Variants in FCAR observed in about 807,000 individuals in gnomAD.
FCAR encodes the protein immunoglobulin alpha Fc receptor.
Under a neutral mutation model 27.1 loss-of-function variants are expected in FCAR, and 21 were observed. The observed-to-expected ratio is 0.77, with a 90% CI of 0.55 to 1.11. FCAR has a LOEUF of 1.11. FCAR is among the 50% of genes most tolerant of loss of function. The pLI is 0.00. For synonymous variants in FCAR, 134 were observed against 135.8 expected, an observed-to-expected ratio of 0.99 and a Z score of 0.09; for missense variants, 404 against 358.4, an observed-to-expected ratio of 1.13 and a Z score of -1.03.
chr19:54,878,795 T>G (rs1439618992), intron 2 of FCAR, among the ~76,000 whole-genome samples: 2 of 151,198 alleles, frequency 1.3e-5, no homozygotes, highest in Non-Finnish European at 2.9e-5. Flanking sequence ...TAGATTTTTC[T>G]CCATTTCTTT....
intron 2 of FCAR, among the ~76,000 whole-genome samples, chr19:54,876,387 G>A (rs1047630050): frequency 1.7e-4 from 26 of 152,114 alleles, no homozygotes; most frequent in African/African-American, 2.4e-4. Flanking sequence ...AGTGAGAGAC[G>A]GCATCCATGT....
intron 2 of FCAR, among the ~76,000 whole-genome samples, chr19:54,878,874 C>CTTT (rs57952503): frequency 1.4e-4 from 11 of 76,094 alleles, no homozygotes; most frequent in African/African-American, 2.4e-4. Flanking sequence ...TTGAGTCTTG[C>CTTT]TTTTTTTTTT....
rs59590774 is a variant in FCAR at position 54,881,880 on chromosome 19, C to CAAAT, written c.71-3306_71-3303dup. ...TGGGCGACAGAGCGAGACTCCGTCT[C>CAAAT]AAATAAATAAATAAATAAATAAATA... On this transcript the variant is annotated intron_variant, in intron 2 of 4. Transcript: ENST00000355524. 3.9e-3 allele frequency among the ~76,000 whole-genome samples: 510 copies of CAAAT among 129,514 alleles called. 3 individuals are homozygous for CAAAT. Among genetic ancestry groups the CAAAT allele is most frequent in the Middle Eastern group, 7.5e-3 (2 of 266 alleles). The allele number at this position is 129,514 out of a possible 152,430, so 85.0% of individuals were successfully genotyped here. A position where few individuals can be genotyped will look rare whatever the true frequency, so the allele number is the denominator to read the frequency against.
intron 3 of FCAR, among the ~76,000 whole-genome samples, chr19:54,887,358 C>T (rs778015848): frequency 9.2e-5 from 14 of 151,856 alleles, no homozygotes; most frequent in Admixed American, 3.3e-4. Flanking sequence ...CTGTGGTTCA[C>T]GCCTGTAATC....
chr19:54,886,090 T>C (rs1014822675), intron 3 of FCAR, among the ~76,000 whole-genome samples: 1 of 151,680 alleles, frequency 6.6e-6, no homozygotes, highest in African/African-American at 2.4e-5. Context: ...CTACTAAAAA[T>C]GGAAAAAATT....
chr19:54,884,271 C>T (rs1049489307), intron 2 of FCAR, among the ~76,000 whole-genome samples: 4 of 152,354 alleles, frequency 2.6e-5, no homozygotes, highest in Admixed American at 1.3e-4. Flanking sequence ...GCTGTGGTAA[C>T]GGCACCCGAC....
chr19:54,875,994 A>G (rs1419610924), intron 2 of FCAR, among the ~76,000 whole-genome samples: 1 of 152,156 alleles, frequency 6.6e-6, no homozygotes, highest in Admixed American at 6.5e-5. Flanking sequence ...TGTTTGTGTC[A>G]TCTATGATTT....
intron 2 of FCAR, among the ~76,000 whole-genome samples, chr19:54,879,467 T>A (rs1191921789): frequency 1.3e-5 from 2 of 152,166 alleles, no homozygotes; most frequent in Non-Finnish European, 2.9e-5. Context: ...AGCATTTGCT[T>A]GTCTGTAAAG....
intron 3 of FCAR, 103 bp from the exon 4 acceptor site, chr19:54,887,904 C>A: frequency 1.1e-6 from 1 of 943,858 alleles, no homozygotes; most frequent in Non-Finnish European, 1.5e-6. Context: ...GCAATAAGAG[C>A]GAAACTCCAT....
At chr19:54,881,303 G>A (rs1410838622) in intron 2 of FCAR, among the ~76,000 whole-genome samples, 1 of 152,162 alleles carries the variant, frequency 6.6e-6, no homozygotes, top group Non-Finnish European at 1.5e-5. Flanking sequence ...GTTTGCCGGA[G>A]GTGTGGTTGA....
At chr19:54,882,674 G>A (rs887162050) in intron 2 of FCAR, among the ~76,000 whole-genome samples, 4 of 151,606 alleles carry the variant, frequency 2.6e-5, no homozygotes, top group East Asian at 1.9e-4. Flanking sequence ...CTTGACCTCC[G>A]GTGATCTGCC....
At chr19:54,874,385 T>C in intron 1 of FCAR, 62 bp downstream of exon 1, 2 of 1,536,720 alleles carry the variant, frequency 1.3e-6, no homozygotes, top group Non-Finnish European at 1.8e-6. Context: ...ATAATCAGGG[T>C]GTCTCTTAAC....
rs1232608830 is a variant in FCAR, at chr19:54,874,251, T to C, written c.-39T>C. Reference sequence around the variant, plus strand: ...ATATCTGTCATCCTGCTAATGTGCATTGAAAGGAGAGCAACGGGGCTGAGG... The same window carrying C: ...ATATCTGTCATCCTGCTAATGTGCACTGAAAGGAGAGCAACGGGGCTGAGG... On this transcript the variant is annotated 5_prime_UTR_variant, in exon 1 of 5. Transcript: ENST00000355524. 3 of 1,612,788 alleles carry C rather than the reference T, an allele frequency of 1.9e-6. No individual in the cohort carries two copies. Among genetic ancestry groups the C allele is most frequent in the East Asian group, 2.2e-5 (1 of 44,838 alleles).
At chr19:54,875,304 A>G in intron 1 of FCAR, 26 bp from the exon 2 acceptor site, 3 of 1,611,550 alleles carry the variant, frequency 1.9e-6, no homozygotes, top group Non-Finnish European at 2.5e-6. Context: ...TGGAAGCTTG[A>G]TTTTTCATAA....
At chr19:54,881,880 CAAATAAAT>C (rs59590774) in intron 2 of FCAR, among the ~76,000 whole-genome samples, 20,623 of 128,590 alleles carry the variant, frequency 0.16, 1,890 homozygotes, top group East Asian at 0.34. Flanking sequence ...GACTCCGTCT[CAAATAAAT>C]AAATAAATAA....
At position 54,889,698 on chromosome 19, in the gene FCAR, G is replaced by A. The variant is rs1413413387; in HGVS notation, c.699G>A (p.Val233=). The A allele has an allele frequency of 2.5e-6, 4 of 1,614,174 alleles. No individual in the cohort carries two copies. Among genetic ancestry groups the A allele is most frequent in the Middle Eastern group, 1.7e-4 (1 of 6,058 alleles). The change falls in exon 5 of 5, where the codon GTG becomes GTA. Residue 233 remains valine (V), a synonymous_variant. Coordinates refer to ENST00000355524, the MANE Select transcript of FCAR (RefSeq NM_002000.4). The stretch of plus-strand genomic sequence containing the variant: ...CGCAGAACTTGATCCGCATGGCCGT[G>A]GCAGGACTGGTCCTCGTGGCTCTCT... ...YTTQNLIRMA[V]AGLVLVALLA... is the part of the protein sequence containing the mutation.
chr19:54,886,498 A>G (rs185594959), intron 3 of FCAR, among the ~76,000 whole-genome samples: 6,866 of 151,430 alleles, frequency 0.045, 231 homozygotes, highest in Non-Finnish European at 0.067. Context: ...TAGTAGAGAT[A>G]GGGTTTCACT....
chr19:54,883,914 A>G (rs918540403), intron 2 of FCAR, among the ~76,000 whole-genome samples: 1 of 152,158 alleles, frequency 6.6e-6, no homozygotes, highest in African/African-American at 2.4e-5. Context: ...CCAAGATCAC[A>G]CCACTGCACT....
rs1320120791 is a variant in FCAR at position 54,888,195 on chromosome 19, G to A, written c.550G>A (p.Asp184Asn). The A allele has an allele frequency of 1.2e-6, 2 of 1,614,110 alleles. No individual in the cohort carries two copies. Among genetic ancestry groups the A allele is most frequent in the Non-Finnish European group, 1.7e-6 (2 of 1,179,998 alleles). The change falls in exon 4 of 5, where the codon GAC becomes AAC. Residue 184 changes from aspartate (D) to asparagine (N), a missense_variant. Coordinates refer to ENST00000355524, the MANE Select transcript of FCAR (RefSeq NM_002000.4). Reference sequence around the variant, plus strand: ...GGCCAACTTCTCTTTGGGTCCTGTGGACCTCAATGTCTCAGGGATCTACAG... The same window carrying A: ...GGCCAACTTCTCTTTGGGTCCTGTGAACCTCAATGTCTCAGGGATCTACAG... ...HPANFSLGPV[D>N]LNVSGIYRCY...
Sources: gnomAD v4.1 joint callset for allele counts (sites outside exome capture counted in the v4.1 genomes callset) on GRCh38, gnomAD v4.1.1 for gene constraint, MANE v1.5 for transcripts, NCBI Gene and HGNC (gene_info 2026-07-23, HGNC 2026-07-21) for gene names.